Variants in SCO1 observed in about 807,000 individuals in gnomAD.
SCO1 encodes the protein cytochrome c oxidase assembly factor SCO1.
In SCO1, 23 loss-of-function variants were observed where a neutral mutation model predicts 34.0. That is an observed-to-expected ratio of 0.68 (90% confidence interval 0.49 to 0.96). The LOEUF is 0.96. Ranked by LOEUF, SCO1 falls within the 40% of genes least tolerant of loss-of-function variation. The pLI is 0.00. For synonymous variants in SCO1, 161 were observed against 145.5 expected, an observed-to-expected ratio of 1.11 and a Z score of -0.77; for missense variants, 404 against 381.6, an observed-to-expected ratio of 1.06 and a Z score of -0.49.
intron 5 of SCO1, among the ~76,000 whole-genome samples, chr17:10,681,729 T>G (rs1470498151): frequency 6.6e-6 from 1 of 152,246 alleles, no homozygotes; most frequent in African/African-American, 2.4e-5. Flanking sequence ...TAGTAAGTTC[T>G]TGGGTTTATT....
chr17:10,686,499 T>C (rs2074657122), intron 5 of SCO1, among the ~76,000 whole-genome samples: 1 of 150,990 alleles, frequency 6.6e-6, no homozygotes, highest in African/African-American at 2.4e-5. Flanking sequence ...GGAGAATTGC[T>C]TGAATCTGGG....
intron 2 of SCO1, among the ~76,000 whole-genome samples, chr17:10,694,570 A>C (rs751615739): frequency 6.6e-6 from 1 of 152,218 alleles, no homozygotes; most frequent in Admixed American, 6.5e-5. Flanking sequence ...TGTAGGAAAT[A>C]CACCAAAAAG....
rs2074598425 is a variant in SCO1, at chr17:10,678,672, G to A, written c.*2447C>T. The A allele has an allele frequency of 6.6e-6, 1 of 152,098 alleles. No homozygotes were observed. The highest frequency in any genetic ancestry group is 1.5e-5 in the Non-Finnish European group (1 of 68,026). 9.4% of individuals were successfully genotyped at this position (152,098 alleles called of 1,614,324 possible). A position where few individuals can be genotyped will look rare whatever the true frequency, so the allele number is the denominator to read the frequency against. The stretch of plus-strand genomic sequence containing the variant: ...GTTCCTTTCTTGACCAGATTCCTAG[G>A]AAAGTCATTCTAAACCAACTGCTTC... On this transcript the variant is annotated 3_prime_UTR_variant, in exon 6 of 6. Coordinates refer to ENST00000255390, the MANE Select transcript of SCO1 (RefSeq NM_004589.4).
chr17:10,694,994 G>T (rs753662263), intron 2 of SCO1, among the ~76,000 whole-genome samples: 1 of 152,128 alleles, frequency 6.6e-6, no homozygotes, highest in Non-Finnish European at 1.5e-5. Flanking sequence ...ATACTTTAAA[G>T]ATTTACCTAA....
In SCO1 at chr17:10,677,730, G is replaced by A. The variant is rs1045719330; in HGVS notation, c.*3389C>T. On this transcript the variant is annotated 3_prime_UTR_variant, in exon 6 of 6. Coordinates refer to ENST00000255390, the MANE Select transcript of SCO1 (RefSeq NM_004589.4). Reference sequence around the variant, plus strand: ...ATTCTTATACTTTTCAAATAAACAAGTGGCATTTCTTAAAATATTAATTCT... The same window carrying A: ...ATTCTTATACTTTTCAAATAAACAAATGGCATTTCTTAAAATATTAATTCT... 3 of 152,192 alleles carry A rather than the reference G, an allele frequency of 2.0e-5. No homozygotes were observed. Among genetic ancestry groups the A allele is most frequent in the African/African-American group, 7.2e-5 (3 of 41,436 alleles). 9.4% of individuals were successfully genotyped at this position (152,192 alleles called of 1,614,324 possible).
intron 5 of SCO1, among the ~76,000 whole-genome samples, chr17:10,686,114 T>C (rs2074653730): frequency 1.3e-5 from 2 of 152,102 alleles, no homozygotes; most frequent in Non-Finnish European, 2.9e-5. Context: ...TGGGAGCACA[T>C]GCCTGTAATC....
At chr17:10,693,715 C>T (rs921326782) in intron 2 of SCO1, among the ~76,000 whole-genome samples, 2 of 152,056 alleles carry the variant, frequency 1.3e-5, no homozygotes, top group African/African-American at 2.4e-5. Context: ...ACCAGGGTTG[C>T]GGCAAAGAAA....
chr17:10,689,219 G>A (rs1445861680), intron 4 of SCO1, among the ~76,000 whole-genome samples: 1 of 151,942 alleles, frequency 6.6e-6, no homozygotes, highest in Non-Finnish European at 1.5e-5. Context: ...AGGGTAACAG[G>A]TATGTTCATT....
At chr17:10,684,180 C>T (rs1465672764) in intron 5 of SCO1, among the ~76,000 whole-genome samples, 1 of 152,186 alleles carries the variant, frequency 6.6e-6, no homozygotes, top group Non-Finnish European at 1.5e-5. Flanking sequence ...CAAGAAGTTT[C>T]CATAAGACTT....
chr17:10,675,947 A>C lies in SCO1; in HGVS notation c.*5172T>G, dbSNP rs748759908. ...ACAACACATCCCCACAACGAACTGC[A>C]TCATAGCTCCTTGAAATCAAAGGAC... On this transcript the variant is annotated 3_prime_UTR_variant, in exon 6 of 6. Transcript: ENST00000255390. 6.6e-6 allele frequency: 1 copy of C among 152,224 alleles called. No individual in the cohort carries two copies. Among genetic ancestry groups the C allele is most frequent in the Non-Finnish European group, 1.5e-5 (1 of 68,036 alleles). The allele number at this position is 152,224 out of a possible 1,614,324, so 9.4% of individuals were successfully genotyped here. A position where few individuals can be genotyped will look rare whatever the true frequency, so the allele number is the denominator to read the frequency against.
At chr17:10,691,988 C>A in intron 3 of SCO1, 24 bp from the exon 4 acceptor site, 1 of 1,483,166 alleles carries the variant, frequency 6.7e-7, no homozygotes, top group South Asian at 1.1e-5. Flanking sequence ...CCAATTAGTC[C>A]GTATTCACAC....
chr17:10,696,462 C>T (rs2074727653), intron 1 of SCO1, among the ~76,000 whole-genome samples: 1 of 152,014 alleles, frequency 6.6e-6, no homozygotes. Context: ...AAACCAAAAT[C>T]CAAAAACACA....
intron 2 of SCO1, among the ~76,000 whole-genome samples, chr17:10,695,175 C>T (rs2074713940): frequency 6.6e-6 from 1 of 152,196 alleles, no homozygotes; most frequent in African/African-American, 2.4e-5. Flanking sequence ...TCTACTCGCA[C>T]TATGCTCCTT....
chr17:10,691,836 G>C, intron 4 of SCO1, 36 bp downstream of exon 4: 1 of 1,388,466 alleles, frequency 7.2e-7, no homozygotes, highest in Non-Finnish European at 1.0e-6. Context: ...AAAACTTTAA[G>C]GCTAAATAAA....
intron 4 of SCO1, among the ~76,000 whole-genome samples, chr17:10,688,839 G>A (rs955075118): frequency 1.3e-5 from 2 of 151,100 alleles, no homozygotes; most frequent in Admixed American, 6.6e-5. Flanking sequence ...TCTGCAGGCC[G>A]GGCGCGGTGG....
In SCO1 at chr17:10,681,157, T is replaced by A. The variant is rs139771078; in HGVS notation, c.868A>T (p.Ile290Phe). Reference sequence around the variant, plus strand: ...CTGTATGGCCTCATGTGTGTGGCAATTGAAGCAGCTATTTCTCCCTTCCTC... The same window carrying A: ...CTGTATGGCCTCATGTGTGTGGCAAATGAAGCAGCTATTTCTCCCTTCCTC... ...NKRKGEIAAS[I>F]ATHMRPYRKK... is the part of the protein sequence containing the mutation. Residue 290 changes from isoleucine to phenylalanine, a missense_variant, in exon 6 of 6, where the codon ATT becomes TTT. Physicochemically the swap from Ile to Phe is conservative, Grantham distance 21. Coordinates refer to ENST00000255390, the MANE Select transcript of SCO1 (RefSeq NM_004589.4). 3.1e-6 allele frequency: 5 copies of A among 1,614,196 alleles called. No individual in the cohort carries two copies. Among genetic ancestry groups the A allele is most frequent in the Non-Finnish European group, 4.2e-6 (5 of 1,180,024 alleles).
At chr17:10,683,477 G>A (rs974928546) in intron 5 of SCO1, among the ~76,000 whole-genome samples, 1 of 152,066 alleles carries the variant, frequency 6.6e-6, no homozygotes, top group Non-Finnish European at 1.5e-5. Context: ...TCTGAAGAGG[G>A]TGTATGAGTT....
In SCO1 at chr17:10,692,776, C is replaced by T. The variant is rs147039721; in HGVS notation, c.550G>A (p.Val184Met). The T allele has an allele frequency of 2.5e-5, 41 of 1,613,838 alleles. No homozygotes were observed. The African/African-American group carries it at 2.7e-4, about 10-fold the overall frequency. ...PEELEKMIQV[V>M]DEIDSITTLP... Reference sequence around the variant, plus strand: ...ATGGCTTTCTTACCTATTTCATCCACGACTTGAATCATCTTTTCTAGTTCT... The same window carrying T: ...ATGGCTTTCTTACCTATTTCATCCATGACTTGAATCATCTTTTCTAGTTCT... The change falls in exon 3 of 6, where the codon GTG becomes ATG. Residue 184 changes from valine (V) to methionine (M), a missense_variant. Val to Met is a conservative substitution (Grantham distance 21). Coordinates refer to ENST00000255390, the MANE Select transcript of SCO1 (RefSeq NM_004589.4).
intron 2 of SCO1, among the ~76,000 whole-genome samples, chr17:10,695,031 C>T (rs1291722297): frequency 6.6e-6 from 1 of 152,130 alleles, no homozygotes; most frequent in Non-Finnish European, 1.5e-5. Flanking sequence ...CTTAAAAGTC[C>T]TAGGATATTC....
Sources: gnomAD v4.1 joint callset for allele counts (sites outside exome capture counted in the v4.1 genomes callset) on GRCh38, gnomAD v4.1.1 for gene constraint, MANE v1.5 for transcripts, NCBI Gene and HGNC (gene_info 2026-07-23, HGNC 2026-07-21) for gene names.